The following MTUS1 variants were observed in gnomAD, a reference collection of about 807,000 sequenced individuals.
MTUS1 encodes microtubule associated scaffold protein 1.
In MTUS1, 109 loss-of-function variants were observed where a neutral mutation model predicts 120.8. That is an observed-to-expected ratio of 0.90 (90% CI 0.77 to 1.06). The LOEUF (loss-of-function observed/expected upper bound fraction) is 1.06. Ranked by LOEUF, MTUS1 falls within the 50% of genes least tolerant of loss-of-function variation. MTUS1 has a pLI of 0.00. For missense variants in MTUS1, 2,210 were observed against 1,486.3 expected (o/e 1.49, Z -8.01); for synonymous variants, 737 against 550.5 (o/e 1.34, Z -4.74).
Position 17,754,415 on chromosome 8 carries a change from G to A in MTUS1, c.1393C>T (p.Pro465Ser), listed in dbSNP as rs769142666. The A allele has an allele frequency of 3.1e-6, 5 of 1,613,966 alleles. No homozygotes were observed. The South Asian group carries it at 4.4e-5, about 14-fold the overall frequency. ...TTCACAGGTGCCTCCTTCGAGTCTG[G>A]TATGTTTTTAAGCCCTCGATTACCC... Reference protein sequence around the residue: ...EKGNRGLKNIPDSKEAPVNLC... With the variant: ...EKGNRGLKNISDSKEAPVNLC... Residue 465 changes from proline to serine, a missense_variant, in exon 2 of 15, where the codon CCA becomes TCA. By Grantham distance (74) the Pro-to-Ser change is moderately conservative. Transcript: ENST00000693296.
chr8:17,669,667 G>A (rs1039210092), intron 8 of MTUS1, among the ~76,000 whole-genome samples: 4 of 152,088 alleles, frequency 2.6e-5, no homozygotes, highest in African/African-American at 9.7e-5. Flanking sequence ...CCAACATGGT[G>A]AAACCTCGTC....
intron 12 of MTUS1, 122 bp downstream of exon 12, chr8:17,653,064 T>C (rs1012071674): frequency 1.4e-4 from 86 of 623,776 alleles, no homozygotes; most frequent in Middle Eastern, 3.3e-4. Flanking sequence ...AGAAAGCACA[T>C]TGCCAGACAT....
At chr8:17,682,209 G>C (rs11787345) in intron 7 of MTUS1, among the ~76,000 whole-genome samples, 16,253 of 152,120 alleles carry the variant, frequency 0.11, 1,128 homozygotes, top group Admixed American at 0.16. Flanking sequence ...CAAGCCTAAT[G>C]ATTGGTTAAA....
intron 3 of MTUS1, among the ~76,000 whole-genome samples, chr8:17,725,693 A>C (rs554035274): frequency 4.1e-4 from 63 of 152,334 alleles, no homozygotes; most frequent in Non-Finnish European, 8.8e-4. Flanking sequence ...ATTCTCCACC[A>C]TCTACAGCAT....
chr8:17,756,679 C>CCCCCCA (rs58787907), intron 1 of MTUS1, among the ~76,000 whole-genome samples: 2 of 123,452 alleles, frequency 1.6e-5, no homozygotes, highest in Non-Finnish European at 3.3e-5. Context: ...AAACCCCCAC[C>CCCCCCA]CCTTATGTAA....
At chr8:17,767,795 G>A (rs958635258) in intron 1 of MTUS1, among the ~76,000 whole-genome samples, 6 of 151,776 alleles carry the variant, frequency 4.0e-5, no homozygotes, top group African/African-American at 1.5e-4. Flanking sequence ...AGAGCCAACG[G>A]TTTGGTCAGC....
chr8:17,787,272 G>A (rs1287467197), intron 1 of MTUS1, among the ~76,000 whole-genome samples: 1 of 152,202 alleles, frequency 6.6e-6, no homozygotes, highest in Non-Finnish European at 1.5e-5. Context: ...AAAGTCCACA[G>A]TGTTCCCACA....
chr8:17,678,068 G>T (rs1026894658), intron 7 of MTUS1, among the ~76,000 whole-genome samples: 2 of 152,056 alleles, frequency 1.3e-5, no homozygotes, highest in African/African-American at 4.8e-5. Flanking sequence ...AAAACCAAGG[G>T]CTTTAAATAC....
At chr8:17,688,048 G>A (rs963177260) in intron 6 of MTUS1, among the ~76,000 whole-genome samples, 1 of 152,176 alleles carries the variant, frequency 6.6e-6, no homozygotes, top group Non-Finnish European at 1.5e-5. Context: ...GGCTGAAGAA[G>A]CCACACATTT....
chr8:17,776,235 G>A (rs1324402458), intron 1 of MTUS1, among the ~76,000 whole-genome samples: 3 of 151,998 alleles, frequency 2.0e-5, no homozygotes, highest in Non-Finnish European at 2.9e-5. Flanking sequence ...GTAACCTAGA[G>A]ATGGTTTACA....
At chr8:17,675,139 T>C (rs966058671) in intron 8 of MTUS1, 47 bp downstream of exon 8, 2 of 1,609,286 alleles carry the variant, frequency 1.2e-6, no homozygotes, top group African/African-American at 2.7e-5. Flanking sequence ...TTTTCCAGTG[T>C]TCCCCTTGTC....
intron 8 of MTUS1, among the ~76,000 whole-genome samples, chr8:17,662,707 T>C (rs1442404645): frequency 6.6e-6 from 1 of 151,890 alleles, no homozygotes; most frequent in African/African-American, 2.4e-5. Flanking sequence ...ACATATATGA[T>C]TAGGAACACC....
rs1808137839 is a variant in MTUS1 at position 17,655,992 on chromosome 8, G to T, written c.2979C>A (p.Val993=). Residue 993 remains valine (V), a synonymous_variant, in exon 9 of 15, where the codon GTC becomes GTA. Coordinates refer to ENST00000693296, the MANE Select transcript of MTUS1 (RefSeq NM_001363059.2). ...NELQTVYEAF[V]QQHQAEKTER... The stretch of plus-strand genomic sequence containing the variant: ...CTGTTTTTTCAGCCTGGTGCTGCTG[G>T]ACGAATGCTTCATACACTGTTTGTA... 6.2e-7 allele frequency: 1 copy of T among 1,614,184 alleles called. No individual in the cohort carries two copies. The highest frequency in any genetic ancestry group is 2.2e-5 in the East Asian group (1 of 44,882).
In MTUS1 at chr8:17,755,581, C is replaced by T. The variant is rs367887703; in HGVS notation, c.227G>A (p.Gly76Asp). Reference protein sequence around the residue: ...TGENISLSLQGVEVFGHEKSS... With the variant: ...TGENISLSLQDVEVFGHEKSS... Reference sequence around the variant, plus strand: ...CTTTTCATGACCAAATACTTCAACACCCTGAAGGCTTAAAGAAATATTTTC... The same window carrying T: ...CTTTTCATGACCAAATACTTCAACATCCTGAAGGCTTAAAGAAATATTTTC... The change falls in exon 2 of 15, where the codon GGT becomes GAT. Residue 76 changes from glycine (G) to aspartate (D), a missense_variant. Physicochemically the swap from Gly to Asp is moderately conservative, Grantham distance 94. Transcript: ENST00000693296. 20 of 1,614,056 alleles carry T rather than the reference C, an allele frequency of 1.2e-5. No individual in the cohort carries two copies. Among genetic ancestry groups the T allele is most frequent in the Non-Finnish European group, 1.5e-5 (18 of 1,180,038 alleles).
At chr8:17,720,343 C>A (rs1165805105) in intron 4 of MTUS1, among the ~76,000 whole-genome samples, 3 of 144,768 alleles carry the variant, frequency 2.1e-5, no homozygotes, top group African/African-American at 2.5e-5. Flanking sequence ...GAAACTCCAT[C>A]TAAAAAAAAA....
chr8:17,651,586 G>A (rs150218257), intron 12 of MTUS1: 1 of 151,000 alleles, frequency 6.6e-6, no homozygotes, highest in East Asian at 1.9e-4. Context: ...TTGTTAGAGG[G>A]AAATGGCATA....
chr8:17,757,852 A>G (rs2048740556), intron 1 of MTUS1, among the ~76,000 whole-genome samples: 1 of 152,150 alleles, frequency 6.6e-6, no homozygotes, highest in Non-Finnish European at 1.5e-5. Context: ...CTTAAATTTT[A>G]TTATGCTTTT....
At chr8:17,718,954 G>C (rs556811349) in intron 4 of MTUS1, among the ~76,000 whole-genome samples, 2 of 151,916 alleles carry the variant, frequency 1.3e-5, no homozygotes, top group East Asian at 2.0e-4. Flanking sequence ...CAGATCACTT[G>C]AGGCCAGGAG....
rs756053573 is a variant in MTUS1, at chr8:17,684,374, G to C, written c.2792C>G (p.Thr931Ser). 3.7e-6 allele frequency: 6 copies of C among 1,614,158 alleles called. No individual in the cohort carries two copies. The highest frequency in any genetic ancestry group is 1.7e-5 in the Admixed American group (1 of 60,026). Reference sequence around the variant, plus strand: ...CACAACTGTCAATGCCTCAAACTTGGTATTACCACAGGCAAGAAGCTGCTT... The same window carrying C: ...CACAACTGTCAATGCCTCAAACTTGCTATTACCACAGGCAAGAAGCTGCTT... Reference protein sequence around the residue: ...QLKQLLACGNTKFEALTVVIQ... With the variant: ...QLKQLLACGNSKFEALTVVIQ... The change falls in exon 7 of 15, where the codon ACC (threonine) becomes AGC (serine). Residue 931 changes from threonine (T) to serine (S), a missense_variant. By Grantham distance (58) the Thr-to-Ser change is moderately conservative. Coordinates refer to ENST00000693296, the MANE Select transcript of MTUS1 (RefSeq NM_001363059.2).
Sources: gnomAD v4.1 joint callset for allele counts (sites outside exome capture counted in the v4.1 genomes callset) on GRCh38, gnomAD v4.1.1 for gene constraint, MANE v1.5 for transcripts, NCBI Gene and HGNC (gene_info 2026-07-23, HGNC 2026-07-21) for gene names.